The following CDH12 variants were observed in gnomAD, a reference collection of about 807,000 sequenced individuals.
CDH12 encodes the protein cadherin 12.
CDH12 carries 41 observed loss-of-function variants against 74.1 expected under a neutral mutation model. That is an observed-to-expected ratio of 0.55 (90% CI 0.43 to 0.72). CDH12 has a LOEUF of 0.72. CDH12 is among the 30% of genes least tolerant of loss of function. CDH12 has a pLI of 0.00. For missense variants in CDH12, 945 were observed against 977.2 expected, an observed-to-expected ratio of 0.97 and a Z score of 0.44; for synonymous variants, 399 against 355.0, an observed-to-expected ratio of 1.12 and a Z score of -1.39.
chr5:22,353,034 C>T (rs943644621), intron 3 of CDH12, among the ~76,000 whole-genome samples: 2 of 152,118 alleles, frequency 1.3e-5, no homozygotes, highest in African/African-American at 4.8e-5. Context: ...AGTTAGAGGG[C>T]TGGGATGTGT....
intron 3 of CDH12, among the ~76,000 whole-genome samples, chr5:22,401,373 C>A (rs1437630594): frequency 6.6e-6 from 1 of 152,166 alleles, no homozygotes; most frequent in Admixed American, 6.6e-5. Context: ...AAAAAGCAAT[C>A]ATCTATTACT....
rs545083272 is a variant in CDH12 at position 22,499,070 on chromosome 5, A to AT, written c.-428+6199dup. ...AGGCACCTGCTACCATACCCGGCTA[A>AT]TTTTTTTTTTTTTTGGATTTTTAGT... On this transcript the variant is annotated intron_variant, in intron 2 of 14. Coordinates refer to ENST00000382254, the MANE Select transcript of CDH12 (RefSeq NM_004061.5). Among the ~76,000 whole-genome samples, 1,168 of 140,584 alleles carry AT rather than the reference A, an allele frequency of 8.3e-3. 10 individuals are homozygous for AT. The highest frequency in any genetic ancestry group is 0.02 in the African/African-American group (753 of 38,544). The allele number at this position is 140,584 out of a possible 152,430, so 92.2% of individuals were successfully genotyped here.
intron 5 of CDH12, among the ~76,000 whole-genome samples, chr5:22,016,651 G>T (rs945663247): frequency 6.6e-6 from 1 of 152,034 alleles, no homozygotes; most frequent in African/African-American, 2.4e-5. Context: ...CTCCCAAAGT[G>T]CTGGGATTAC....
intron 5 of CDH12, among the ~76,000 whole-genome samples, chr5:22,045,270 T>A (rs1051088780): frequency 2.0e-5 from 3 of 152,178 alleles, no homozygotes; most frequent in Admixed American, 6.5e-5. Context: ...CAATGGCTAT[T>A]ATCAAAAAGA....
chr5:22,074,216 G>C, intron 5 of CDH12, among the ~76,000 whole-genome samples: 1 of 152,080 alleles, frequency 6.6e-6, no homozygotes, highest in African/African-American at 2.4e-5. Context: ...ATGGGGGAAG[G>C]ATTCCCTATT....
chr5:22,397,712 T>C (rs1022337768), intron 3 of CDH12, among the ~76,000 whole-genome samples: 2 of 152,138 alleles, frequency 1.3e-5, no homozygotes, highest in African/African-American at 4.8e-5. Context: ...TCTCCAAAAA[T>C]CGTAAGTTGA....
chr5:22,171,166 G>A (rs1749008102), intron 4 of CDH12, among the ~76,000 whole-genome samples: 1 of 151,744 alleles, frequency 6.6e-6, no homozygotes, highest in Non-Finnish European at 1.5e-5. Flanking sequence ...TCTATTCCTG[G>A]CCACATGCTG....
intron 1 of CDH12, among the ~76,000 whole-genome samples, chr5:22,740,412 G>A (rs1192481549): frequency 6.6e-6 from 1 of 151,196 alleles, no homozygotes; most frequent in Non-Finnish European, 1.5e-5. Context: ...TCCAGTTATA[G>A]ATTCATTAGG....
chr5:22,300,820 A>C (rs1413769596), intron 3 of CDH12, among the ~76,000 whole-genome samples: 2 of 152,218 alleles, frequency 1.3e-5, no homozygotes, highest in Non-Finnish European at 2.9e-5. Context: ...CAGAGCTAAA[A>C]TAGAAAACCA....
chr5:22,409,216 T>C (rs1743078984), intron 2 of CDH12, among the ~76,000 whole-genome samples: 2 of 152,034 alleles, frequency 1.3e-5, no homozygotes, highest in Non-Finnish European at 2.9e-5. Context: ...GCCAAGCCTC[T>C]TTGACATTTA....
At chr5:22,056,996 T>C (rs2150200535) in intron 5 of CDH12, among the ~76,000 whole-genome samples, 1 of 152,288 alleles carries the variant, frequency 6.6e-6, no homozygotes, top group Non-Finnish European at 1.5e-5. Context: ...TGAGCAGTTC[T>C]GCATGTTCAC....
chr5:21,869,152 T>C (rs1751486718), intron 6 of CDH12, among the ~76,000 whole-genome samples: 2 of 152,182 alleles, frequency 1.3e-5, no homozygotes, highest in Admixed American at 6.5e-5. Context: ...GCTGGGGTGA[T>C]TGATCTAGAA....
At chr5:22,373,724 T>C (rs778577347) in intron 3 of CDH12, among the ~76,000 whole-genome samples, 48 of 152,310 alleles carry the variant, frequency 3.2e-4, no homozygotes, top group Non-Finnish European at 3.4e-4. Flanking sequence ...CACTCCTGCA[T>C]GTACCCAAAG....
At chr5:22,327,971 T>C (rs563585188) in intron 3 of CDH12, among the ~76,000 whole-genome samples, 2 of 152,188 alleles carry the variant, frequency 1.3e-5, no homozygotes, top group Non-Finnish European at 2.9e-5. Context: ...CAAAAACAGA[T>C]ATATGTATTG....
chr5:21,794,452 A>G (rs1302257839), intron 10 of CDH12, among the ~76,000 whole-genome samples: 1 of 151,730 alleles, frequency 6.6e-6, no homozygotes, highest in African/African-American at 2.4e-5. Context: ...ACAGTTGTGA[A>G]AAAGATGAGT....
intron 1 of CDH12, among the ~76,000 whole-genome samples, chr5:22,846,019 C>T (rs957505355): frequency 1.3e-5 from 2 of 151,986 alleles, no homozygotes; most frequent in Admixed American, 6.6e-5. Context: ...TTTGAAGTTA[C>T]TGGGTTGAAG....
intron 4 of CDH12, among the ~76,000 whole-genome samples, chr5:22,106,488 A>G (rs957655521): frequency 6.6e-6 from 1 of 152,220 alleles, no homozygotes. Flanking sequence ...GTTATATAAT[A>G]TAACAAGGGA....
chr5:21,968,113 G>T (rs1468646535), intron 6 of CDH12, among the ~76,000 whole-genome samples: 1 of 152,136 alleles, frequency 6.6e-6, no homozygotes, highest in African/African-American at 2.4e-5. Flanking sequence ...CATGTCAGAT[G>T]GAGAGAAAAC....
At chr5:21,994,605 C>A (rs1202194238) in intron 5 of CDH12, among the ~76,000 whole-genome samples, 1 of 152,114 alleles carries the variant, frequency 6.6e-6, no homozygotes, top group Non-Finnish European at 1.5e-5. Context: ...AACCTTGTTC[C>A]ACATCAAAGT....
Sources: gnomAD v4.1 joint callset for allele counts (sites outside exome capture counted in the v4.1 genomes callset) on GRCh38, gnomAD v4.1.1 for gene constraint, MANE v1.5 for transcripts, NCBI Gene and HGNC (gene_info 2026-07-23, HGNC 2026-07-21) for gene names.